The following ZNF20 variants were observed in gnomAD, a reference collection of about 807,000 sequenced individuals.
ZNF20 encodes zinc finger protein KOX13.
In ZNF20, 9 loss-of-function variants were observed where a neutral mutation model predicts 11.0. The observed-to-expected ratio is 0.82, with a 90% CI of 0.49 to 1.43. The LOEUF is 1.43. Among genes scored for constraint, ZNF20 ranks in the 40% most tolerant of loss-of-function variants. ZNF20 has a pLI of 0.00. For synonymous variants in ZNF20, 182 were observed against 213.0 expected, an observed-to-expected ratio of 0.85 and a Z score of 1.27; for missense variants, 528 against 640.8, an observed-to-expected ratio of 0.82 and a Z score of 1.90.
rs1976668948 is a variant in ZNF20 at position 12,133,942 on chromosome 19, A to T, written c.244T>A (p.Cys82Ser). Reference sequence around the variant, plus strand: ...GCAATCTGGTTGAAGCTTTCTCCACAGTGATGACTTTCTTTACTTTCACAG... The same window carrying T: ...GCAATCTGGTTGAAGCTTTCTCCACTGTGATGACTTTCTTTACTTTCACAG... The part of the protein sequence containing the change: ...KLCESKESHH[C>S]GESFNQIADD... The change falls in exon 4 of 4, where the codon TGT becomes AGT. Residue 82 changes from cysteine (C) to serine (S), a missense_variant. Coordinates refer to ENST00000334213, the MANE Select transcript of ZNF20 (RefSeq NM_021143.4). 6.2e-7 allele frequency: 1 copy of T among 1,611,996 alleles called. No individual in the cohort carries two copies.
chr19:12,137,308 AAAAAAAAAAG>A (rs1343499653), intron 1 of ZNF20: 1 of 146,356 alleles, frequency 6.8e-6, no homozygotes, highest in Non-Finnish European at 1.5e-5. Flanking sequence ...TCAGAAAAAA[AAAAAAAAAAG>A]AAGAAGAAGA....
rs990999230 is a variant in ZNF20 at position 12,133,656 on chromosome 19, G to A, written c.530C>T (p.Thr177Ile). The A allele has an allele frequency of 7.4e-6, 12 of 1,614,006 alleles. No individual in the cohort carries two copies. Among genetic ancestry groups the A allele is most frequent in the Non-Finnish European group, 9.3e-6 (11 of 1,180,020 alleles). The change falls in exon 4 of 4, where the codon ACA becomes ATA. Residue 177 changes from threonine (T) to isoleucine (I), a missense_variant. By Grantham distance (89) the Thr-to-Ile change is moderately conservative. Transcript: ENST00000334213. The stretch of plus-strand genomic sequence containing the variant: ...GCATGAATGGGAAATGAAGGTTTCT[G>A]TACATTCTTTACCATCATAGGGTTT... ...KEKPYDGKECTETFISHSCIQ... is the reference protein window; with the variant it reads ...KEKPYDGKECIETFISHSCIQ...
intron 1 of ZNF20, among the ~76,000 whole-genome samples, chr19:12,138,921 C>G (rs1203758244): frequency 2.0e-5 from 3 of 152,128 alleles, no homozygotes; most frequent in Admixed American, 2.0e-4. Flanking sequence ...CTGCAAACTG[C>G]TGAAGAGTTA....
intron 3 of ZNF20, 111 bp downstream of exon 3, chr19:12,135,389 C>T: frequency 8.9e-7 from 1 of 1,118,216 alleles, no homozygotes; most frequent in Non-Finnish European, 1.3e-6. Flanking sequence ...ATTCACCCAC[C>T]TCGACCTCCC....
At chr19:12,136,767 A>G in intron 1 of ZNF20, 1 of 381,074 alleles carries the variant, frequency 2.6e-6, no homozygotes, top group Non-Finnish European at 5.2e-6. Context: ...AAGATAGACT[A>G]ATGGAAAACA....
At chr19:12,135,745 G>A in intron 2 of ZNF20, 24 bp downstream of exon 2, 1 of 1,611,388 alleles carries the variant, frequency 6.2e-7, no homozygotes, top group Non-Finnish European at 8.5e-7. Flanking sequence ...CTAATTCACT[G>A]GGAAGTAATA....
intron 1 of ZNF20, among the ~76,000 whole-genome samples, chr19:12,138,457 A>T (rs1186292178): frequency 6.6e-6 from 1 of 151,456 alleles, no homozygotes; most frequent in Non-Finnish European, 1.5e-5. Flanking sequence ...AAAAAAAAAA[A>T]AAAAAAGGAA....
At position 12,132,731 on chromosome 19, in the gene ZNF20, AC is replaced by A. The variant is rs773457670; in HGVS notation, c.1454del (p.Gly485ValfsTer53). The A allele has an allele frequency of 1.2e-6, 2 of 1,613,502 alleles. No homozygotes were observed. Among genetic ancestry groups the A allele is most frequent in the Non-Finnish European group, 1.7e-6 (2 of 1,179,900 alleles). On this transcript the variant is annotated frameshift_variant, in exon 4 of 4. Coordinates refer to ENST00000334213, the MANE Select transcript of ZNF20 (RefSeq NM_021143.4). LOFTEE classifies it low-confidence loss of function (END_TRUNC). The part of the protein sequence containing the change: ...GEKPYECKHC[G>X]KAFISNYIRY... The stretch of plus-strand genomic sequence containing the variant: ...GAATGTAATTGGAAATAAAGGCCTT[AC>A]CACAGTGCTTACATTCATAGGGTTT...
rs934419839 is a variant in ZNF20, at chr19:12,140,047, C to A, written c.3+133G>T. 1.4e-5 allele frequency: 17 copies of A among 1,212,620 alleles called. No individual in the cohort carries two copies. The African/African-American group carries it at 2.6e-4, about 18-fold the overall frequency. 75.1% of individuals were successfully genotyped at this position (1,212,620 alleles called of 1,614,324 possible). On this transcript the variant is annotated intron_variant, in intron 1 of 3. Transcript: ENST00000334213. ...CCCTGCGGCCGAGGGGACGCAGGGA[C>A]GAGCTGAGACAGAGGGATTCGGGTC...
chr19:12,136,407 C>A (rs554147202), intron 1 of ZNF20, among the ~76,000 whole-genome samples: 1 of 151,194 alleles, frequency 6.6e-6, no homozygotes, highest in Admixed American at 6.6e-5. Flanking sequence ...ATAGGCCAGG[C>A]GCAGTGGCTC....
At position 12,133,607 on chromosome 19, in the gene ZNF20, G is replaced by A; in HGVS notation, c.579C>T (p.His193=). ...HSCIQRHRVM[H]SGDGPYKCKF... is the part of the protein sequence containing the mutation. Reference sequence around the variant, plus strand: ...TACATTTATAAGGTCCATCTCCACTGTGCATTACCCTGTGTCTTTGAATGC... The same window carrying A: ...TACATTTATAAGGTCCATCTCCACTATGCATTACCCTGTGTCTTTGAATGC... The change falls in exon 4 of 4, where the codon CAC becomes CAT. Residue 193 remains histidine (H), a synonymous_variant. Transcript: ENST00000334213. 6.2e-7 allele frequency: 1 copy of A among 1,614,226 alleles called. No homozygotes were observed. Among genetic ancestry groups the A allele is most frequent in the Non-Finnish European group, 8.5e-7 (1 of 1,180,044 alleles).
rs183903012 is a variant in ZNF20, at chr19:12,134,008, C to T, written c.201-23G>A. 945 of 1,578,486 alleles carry T rather than the reference C, an allele frequency of 6.0e-4. 3 individuals carry two copies. The highest frequency in any genetic ancestry group is 7.4e-4 in the Non-Finnish European group (865 of 1,162,996). On this transcript the variant is annotated intron_variant, in intron 3 of 3. Transcript: ENST00000334213. The stretch of plus-strand genomic sequence containing the variant: ...AGACTTCAGTGAAAAATGAGAAGCA[C>T]ATTATTAACGGTTTGATTAAAAGTG...
Position 12,140,237 on chromosome 19 carries a change from G to A in ZNF20, c.-55C>T. The A allele has an allele frequency of 6.3e-7, 1 of 1,587,350 alleles. No individual in the cohort carries two copies. The highest frequency in any genetic ancestry group is 2.3e-5 in the East Asian group (1 of 43,658). On this transcript the variant is annotated 5_prime_UTR_variant, in exon 1 of 4. Coordinates refer to ENST00000334213, the MANE Select transcript of ZNF20 (RefSeq NM_021143.4). ...CTCTAGGGCTCCCGTGAATAGTGCG[G>A]GTCACGGTGCAGGCGGCAGAGCGAC...
rs574244231 is a variant in ZNF20 at position 12,136,480 on chromosome 19, G to A, written c.4-576C>T. On this transcript the variant is annotated intron_variant, in intron 1 of 3. Coordinates refer to ENST00000334213, the MANE Select transcript of ZNF20 (RefSeq NM_021143.4). The stretch of plus-strand genomic sequence containing the variant: ...GCGGATCACCTGAGGTCGGGAGTTC[G>A]AAACCAGCCTGACCAACATGGAGAA... 5.2e-4 allele frequency among the ~76,000 whole-genome samples: 79 copies of A among 151,780 alleles called. No individual in the cohort carries two copies. In the South Asian group the frequency reaches 0.014, roughly 28 times the overall value.
intron 3 of ZNF20, 55 bp from the exon 4 acceptor site, chr19:12,134,040 AG>A: frequency 6.7e-7 from 1 of 1,485,484 alleles, no homozygotes; most frequent in Non-Finnish European, 9.1e-7. Flanking sequence ...AGTGACTTAT[AG>A]GGCCGGGCAC....
chr19:12,135,103 C>G (rs1976688594), intron 3 of ZNF20, among the ~76,000 whole-genome samples: 1 of 151,380 alleles, frequency 6.6e-6, no homozygotes, highest in African/African-American at 2.4e-5. Flanking sequence ...AAATTTGATA[C>G]TGGGCTTATT....
chr19:12,137,105 G>C (rs1976724111), intron 1 of ZNF20: 1 of 190,748 alleles, frequency 5.2e-6, no homozygotes, highest in African/African-American at 2.4e-5. Context: ...AGGAGTTCAA[G>C]ACCAGTCTGG....
chr19:12,135,594 G>C (rs773846605), intron 2 of ZNF20, 34 bp from the exon 3 acceptor site: 3 of 1,601,218 alleles, frequency 1.9e-6, no homozygotes, highest in East Asian at 4.5e-5. Context: ...CACAGATCCA[G>C]AATTAGTATG....
rs1409737671 is a variant in ZNF20 at position 12,139,853 on chromosome 19, A to G, written c.3+327T>C. Among the ~76,000 whole-genome samples, 1 of 152,084 alleles carries G rather than the reference A, an allele frequency of 6.6e-6. No individual in the cohort carries two copies. The highest frequency in any genetic ancestry group is 1.5e-5 in the Non-Finnish European group (1 of 68,010). On this transcript the variant is annotated intron_variant, in intron 1 of 3. Coordinates refer to ENST00000334213, the MANE Select transcript of ZNF20 (RefSeq NM_021143.4). The surrounding 1 kb of genome is among the most constrained non-coding windows in gnomAD (Gnocchi z 4.0). ...CCCAAACTCTTTAACAGAAAAAAAA[A>G]TCCGCAGGATTCCCCCATGACCCTC...
Sources: allele counts gnomAD v4.1 joint callset (sites outside exome capture counted in the v4.1 genomes callset), GRCh38; gene constraint gnomAD v4.1.1; non-coding constraint Gnocchi (gnomAD v3.1); transcripts MANE v1.5; gene names NCBI Gene and HGNC (gene_info 2026-07-23, HGNC 2026-07-21).